ABTB3: variants seen among roughly 807,000 people sequenced by gnomAD.
The protein encoded by ABTB3 is ankyrin repeat- and BTB/POZ domain-containing protein 3.
At chr12:107,619,261 G>A in the ABTB3 span, among the ~76,000 whole-genome samples, 1 of 152,182 alleles carries the variant, frequency 6.6e-6, no homozygotes, top group African/African-American at 2.4e-5. Flanking sequence ...ATAAACAGTA[G>A]CAAGACACGT....
At chr12:107,563,683 CTTGAAGAGGTGACA>C in the ABTB3 span, among the ~76,000 whole-genome samples, 1 of 151,976 alleles carries the variant, frequency 6.6e-6, no homozygotes, top group African/African-American at 2.4e-5. Context: ...TTGGAGAACT[CTTGAAGAGGTGACA>C]TTGGATCAGT....
chr12:107,499,656 G>A, the ABTB3 span, among the ~76,000 whole-genome samples: 6 of 151,608 alleles, frequency 4.0e-5, no homozygotes, highest in Admixed American at 2.6e-4. Context: ...GGCGGCAAGA[G>A]GGGGCAGGGG....
At chr12:107,319,780 G>T in the ABTB3 span, 1 of 1,458,068 alleles carries the variant, frequency 6.9e-7, no homozygotes, top group East Asian at 2.9e-5. Context: ...GCCCTGGTGC[G>T]GCCCCCGCGG....
At chr12:107,461,014 G>C in the ABTB3 span, among the ~76,000 whole-genome samples, 3 of 152,116 alleles carry the variant, frequency 2.0e-5, no homozygotes, top group East Asian at 5.8e-4. Context: ...GAGATGTAAT[G>C]GGCTCACAGT....
At chr12:107,516,304 C>T in the ABTB3 span, among the ~76,000 whole-genome samples, 1 of 151,870 alleles carries the variant, frequency 6.6e-6, no homozygotes, top group East Asian at 1.9e-4. Flanking sequence ...GATCTCAGCT[C>T]ACTGCAACCT....
chr12:107,574,703 T>C, the ABTB3 span, among the ~76,000 whole-genome samples: 6 of 152,150 alleles, frequency 3.9e-5, no homozygotes, highest in African/African-American at 4.8e-5. Flanking sequence ...GGACTCCATC[T>C]ATAAAAAAGA....
At chr12:107,601,961 C>G in the ABTB3 span, among the ~76,000 whole-genome samples, 1 of 152,170 alleles carries the variant, frequency 6.6e-6, no homozygotes, top group Non-Finnish European at 1.5e-5. Flanking sequence ...GGGATGAACC[C>G]GGGCAGCCTG....
chr12:107,420,910 T>C, the ABTB3 span, among the ~76,000 whole-genome samples: 3 of 152,262 alleles, frequency 2.0e-5, no homozygotes, highest in South Asian at 4.1e-4. Context: ...CCCCTAAATG[T>C]AGGTATTTTC....
At chr12:107,351,985 TTCAC>T in the ABTB3 span, among the ~76,000 whole-genome samples, 56 of 152,296 alleles carry the variant, frequency 3.7e-4, no homozygotes, top group African/African-American at 1.3e-3. Context: ...TTCTGTTTCA[TTCAC>T]TCACTCCTTT....
At chr12:107,555,146 A>G in the ABTB3 span, among the ~76,000 whole-genome samples, 1 of 152,192 alleles carries the variant, frequency 6.6e-6, no homozygotes, top group Non-Finnish European at 1.5e-5. Flanking sequence ...CCTTAGCCTA[A>G]CAAGGCAGCC....
the ABTB3 span, chr12:107,618,456 C>A: frequency 3.2e-6 from 4 of 1,237,570 alleles, no homozygotes; most frequent in Non-Finnish European, 3.4e-6. Flanking sequence ...CACGCACATG[C>A]GCGCACACAT....
chr12:107,463,465 C>G, the ABTB3 span, among the ~76,000 whole-genome samples: 1 of 152,094 alleles, frequency 6.6e-6, no homozygotes, highest in African/African-American at 2.4e-5. Flanking sequence ...CTCATTTCAC[C>G]CTTACAAACT....
chr12:107,555,576 A>G, the ABTB3 span, among the ~76,000 whole-genome samples: 2 of 152,218 alleles, frequency 1.3e-5, no homozygotes, highest in African/African-American at 2.4e-5. Flanking sequence ...GAAAACGGAA[A>G]AAAAATCTGA....
the ABTB3 span, among the ~76,000 whole-genome samples, chr12:107,451,336 A>G: frequency 6.6e-6 from 1 of 152,194 alleles, no homozygotes; most frequent in African/African-American, 2.4e-5. Flanking sequence ...GTGAATCTGT[A>G]TGGAGAATGT....
the ABTB3 span, among the ~76,000 whole-genome samples, chr12:107,501,353 T>A: frequency 6.6e-6 from 1 of 151,028 alleles, no homozygotes; most frequent in Non-Finnish European, 1.5e-5. Flanking sequence ...GCATTCAAGT[T>A]GTGCCTTGAA....
At chr12:107,620,022 T>C in the ABTB3 span, 1 of 1,614,044 alleles carries the variant, frequency 6.2e-7, no homozygotes, top group African/African-American at 1.3e-5. Flanking sequence ...CTGGAGTCTT[T>C]GCGGATCGCC....
At chr12:107,645,718 C>T in the ABTB3 span, among the ~76,000 whole-genome samples, 1 of 152,150 alleles carries the variant, frequency 6.6e-6, no homozygotes, top group South Asian at 2.1e-4. Flanking sequence ...TCGTAGTAGG[C>T]GCTCAATAAA....
the ABTB3 span, chr12:107,581,345 G>T: frequency 1.6e-6 from 2 of 1,289,304 alleles, no homozygotes; most frequent in African/African-American, 1.6e-5. Flanking sequence ...GGGAGGGAGG[G>T]CTCCGGCCTC....
At chr12:107,619,270 GTCC>G in the ABTB3 span, among the ~76,000 whole-genome samples, 260 of 152,268 alleles carry the variant, frequency 1.7e-3, 1 homozygote, top group African/African-American at 5.8e-3. Context: ...AGCAAGACAC[GTCC>G]TCCTCTGTCT....
Sources: gnomAD v4.1 joint callset for allele counts (sites outside exome capture counted in the v4.1 genomes callset) on GRCh38, gnomAD v4.1.1 for gene constraint, MANE v1.5 for transcripts, NCBI Gene and HGNC (gene_info 2026-07-23, HGNC 2026-07-21) for gene names.